Variants in TEKT5 observed in about 807,000 individuals in gnomAD.
The protein encoded by TEKT5 is tektin 5.
In TEKT5, 52 loss-of-function variants were observed where a neutral mutation model predicts 48.7. The observed-to-expected ratio is 1.07, with a 90% CI of 0.86 to 1.35. The LOEUF is 1.35. TEKT5 is among the 40% of genes most tolerant of loss of function. The pLI, the probability that TEKT5 is intolerant of heterozygous loss-of-function variation, is 0.00. For missense variants in TEKT5, 831 were observed against 641.6 expected (o/e 1.30, Z -3.19); for synonymous variants, 318 against 267.6 (o/e 1.19, Z -1.84).
intron 1 of TEKT5, among the ~76,000 whole-genome samples, chr16:10,692,065 C>T (rs575916086): frequency 2.6e-4 from 40 of 151,914 alleles, no homozygotes; most frequent in Admixed American, 1.6e-3. Context: ...GCTTACATTG[C>T]GCAGGGAGAG....
In TEKT5 at chr16:10,682,015, C is replaced by T. The variant is rs374823602; in HGVS notation, c.841G>A (p.Gly281Ser). Residue 281 changes from glycine (G) to serine (S), a missense_variant, in exon 4 of 7, where the codon GGC becomes AGC. Gly to Ser is a moderately conservative substitution (Grantham distance 56, BLOSUM62 0). Transcript: ENST00000283025. ...TACGTGCCGTCAATTTTCTCCATGCCGTGGAAGAAGCTGATGCAGTCTGAC... is the reference window on the plus strand; with the variant it reads ...TACGTGCCGTCAATTTTCTCCATGCTGTGGAAGAAGCTGATGCAGTCTGAC... ...NTSDCISFFH[G>S]MEKIDGTISV... 4.2e-5 allele frequency: 68 copies of T among 1,613,910 alleles called. No individual in the cohort carries two copies. Among genetic ancestry groups the T allele is most frequent in the Middle Eastern group, 3.3e-4 (2 of 6,084 alleles).
At chr16:10,688,968 C>G (rs1399945779) in intron 3 of TEKT5, among the ~76,000 whole-genome samples, 1 of 152,176 alleles carries the variant, frequency 6.6e-6, no homozygotes, top group African/African-American at 2.4e-5. Flanking sequence ...GAGAAACCAG[C>G]GATGCACGGG....
intron 5 of TEKT5, among the ~76,000 whole-genome samples, chr16:10,644,170 G>A (rs1000192861): frequency 3.9e-5 from 6 of 152,214 alleles, no homozygotes; most frequent in African/African-American, 1.2e-4. Context: ...TCGAGACCCT[G>A]CTGAGCGTTT....
intron 1 of TEKT5, among the ~76,000 whole-genome samples, chr16:10,691,979 G>C (rs1349052998): frequency 6.6e-6 from 1 of 151,278 alleles, no homozygotes; most frequent in Non-Finnish European, 1.5e-5. Context: ...GTTAATTTCT[G>C]GGAGGCCATC....
chr16:10,673,500 C>A (rs2142298623), intron 5 of TEKT5, among the ~76,000 whole-genome samples: 1 of 152,234 alleles, frequency 6.6e-6, no homozygotes, highest in African/African-American at 2.4e-5. Flanking sequence ...GGAAGGTGCA[C>A]AGGCCAACTC....
chr16:10,630,594 G>A (rs1389860950), intron 6 of TEKT5, among the ~76,000 whole-genome samples: 1 of 152,160 alleles, frequency 6.6e-6, no homozygotes, highest in African/African-American at 2.4e-5. Flanking sequence ...CCGTGGAGTA[G>A]AACTTTCTGC....
intron 3 of TEKT5, among the ~76,000 whole-genome samples, chr16:10,683,469 A>T (rs1031706564): frequency 1.3e-5 from 2 of 152,222 alleles, no homozygotes; most frequent in African/African-American, 4.8e-5. Context: ...TATCTCGGCT[A>T]AGAAGCTTAG....
At chr16:10,639,078 T>C (rs116461831) in intron 5 of TEKT5, among the ~76,000 whole-genome samples, 3,330 of 152,040 alleles carry the variant, frequency 0.022, 125 homozygotes, top group African/African-American at 0.077. Flanking sequence ...GCCAAAGTGG[T>C]GGAATCACTT....
At position 10,657,888 on chromosome 16, in the gene TEKT5, C is replaced by T. The variant is rs181152152; in HGVS notation, c.1086+18071G>A. 4.3e-3 allele frequency among the ~76,000 whole-genome samples: 659 copies of T among 152,098 alleles called. 8 individuals are homozygous for T. The highest frequency in any genetic ancestry group is 6.3e-3 in the Non-Finnish European group (426 of 68,004). ...GTGCCGGGATTACAGGCGTGAACCA[C>T]TGCGCCCGGCCTCCCCTTTCAATTT... On this transcript the variant is annotated intron_variant, in intron 5 of 6. Transcript: ENST00000283025.
At chr16:10,632,871 C>G (rs1596399224) in intron 6 of TEKT5, among the ~76,000 whole-genome samples, 1 of 98,518 alleles carries the variant, frequency 1.0e-5, no homozygotes, top group Non-Finnish European at 2.0e-5. Flanking sequence ...CAGATGCAGA[C>G]ACACACACAC....
chr16:10,652,365 G>C (rs2142275512), intron 5 of TEKT5, among the ~76,000 whole-genome samples: 1 of 151,600 alleles, frequency 6.6e-6, no homozygotes, highest in East Asian at 1.9e-4. Flanking sequence ...CTCCAGGCCA[G>C]GTAGAACTAT....
chr16:10,658,879 G>C (rs182814638), intron 5 of TEKT5, among the ~76,000 whole-genome samples: 1 of 151,986 alleles, frequency 6.6e-6, no homozygotes, highest in Non-Finnish European at 1.5e-5. Context: ...CACCACACCC[G>C]GTTAATTTTT....
chr16:10,661,503 G>C lies in TEKT5; in HGVS notation c.1086+14456C>G, dbSNP rs147462828. ...GCAAGAGAAAGACATGATTATGTTT[G>C]TAGTTTCATGCAGATCTCTCTGGCT... On this transcript the variant is annotated intron_variant, in intron 5 of 6. Coordinates refer to ENST00000283025, the MANE Select transcript of TEKT5 (RefSeq NM_144674.2). Among the ~76,000 whole-genome samples the C allele has an allele frequency of 1.4e-3, 217 of 152,314 alleles. 1 individual carries two copies. The highest frequency in any genetic ancestry group is 3.6e-3 in the Admixed American group (55 of 15,288).
chr16:10,657,762 T>C (rs1336302622), intron 5 of TEKT5, among the ~76,000 whole-genome samples: 16 of 151,500 alleles, frequency 1.1e-4, no homozygotes, highest in Non-Finnish European at 2.1e-4. Flanking sequence ...GCTAATTTTT[T>C]TTTTTTTTTT....
intron 5 of TEKT5, among the ~76,000 whole-genome samples, chr16:10,647,649 T>C (rs1289074783): frequency 1.5e-5 from 2 of 130,396 alleles, no homozygotes; most frequent in Non-Finnish European, 3.4e-5. Context: ...CTTTGTTCAC[T>C]TTCTCCATTT....
intron 4 of TEKT5, among the ~76,000 whole-genome samples, chr16:10,677,406 T>C (rs1898667571): frequency 6.8e-6 from 1 of 147,018 alleles, no homozygotes; most frequent in Non-Finnish European, 1.5e-5. Flanking sequence ...GGCCAGGAAT[T>C]TGAGACCAGC....
At chr16:10,634,497 C>A (rs1395524018) in intron 6 of TEKT5, among the ~76,000 whole-genome samples, 1 of 152,190 alleles carries the variant, frequency 6.6e-6, no homozygotes, top group Non-Finnish European at 1.5e-5. Flanking sequence ...GACTCAGTCT[C>A]TTCCCCCTCC....
chr16:10,650,477 C>A (rs1423721170), intron 5 of TEKT5, among the ~76,000 whole-genome samples: 2 of 152,122 alleles, frequency 1.3e-5, no homozygotes, highest in Non-Finnish European at 2.9e-5. Flanking sequence ...ATGACTCACA[C>A]CCAAGGCAAA....
intron 5 of TEKT5, among the ~76,000 whole-genome samples, chr16:10,668,082 T>C (rs1898489724): frequency 6.6e-6 from 1 of 152,192 alleles, no homozygotes; most frequent in African/African-American, 2.4e-5. Context: ...TTTCACCATG[T>C]TGGCCAGGCT....
Sources: allele counts gnomAD v4.1 joint callset (sites outside exome capture counted in the v4.1 genomes callset), GRCh38; gene constraint gnomAD v4.1.1; transcripts MANE v1.5; gene names NCBI Gene and HGNC (gene_info 2026-07-23, HGNC 2026-07-21).